The following EDC4 variants were observed in gnomAD, a reference collection of about 807,000 sequenced individuals.
EDC4 encodes the protein enhancer of mRNA decapping 4.
In EDC4, 64 loss-of-function variants were observed where a neutral mutation model predicts 155.8. The observed-to-expected ratio is 0.41, with a 90% confidence interval of 0.34 to 0.51. The LOEUF (loss-of-function observed/expected upper bound fraction) is 0.51, where lower values mean the gene tolerates loss of function less well. Among genes scored for constraint, EDC4 ranks in the 20% least tolerant of loss-of-function variants. EDC4 has a pLI of 0.19. For synonymous variants in EDC4, 684 were observed against 716.8 expected (o/e 0.95, Z 0.73); for missense variants, 1,303 against 1,812.5 (o/e 0.72, Z 5.10).
Position 67,880,532 on chromosome 16 carries a change from AG to A in EDC4, c.2098-24del. ...TCTCTGCCTCACTTCCTGTCACTTA[AG>A]CCCCCATCTTTGGCCCACCTCAGGT... On this transcript the variant is annotated intron_variant, in intron 17 of 28. Transcript: ENST00000358933. This position sits in a 1 kb window ranked among gnomAD's most constrained non-coding sequence, Gnocchi z 5.2. The A allele has an allele frequency of 6.2e-7, 1 of 1,607,820 alleles. No individual in the cohort carries two copies. Among genetic ancestry groups the A allele is most frequent in the Non-Finnish European group, 8.5e-7 (1 of 1,176,028 alleles).
rs775833063 is a variant in EDC4 at position 67,881,103 on chromosome 16, C to G, written c.2559C>G (p.His853Gln). The change falls in exon 19 of 29, where the codon CAC becomes CAG. Residue 853 changes from histidine (H) to glutamine (Q), a missense_variant. His to Gln is a conservative substitution (Grantham distance 24). Transcript: ENST00000358933. This position sits in a 1 kb window ranked among gnomAD's most constrained non-coding sequence, Gnocchi z 5.4. ...CCAGGAATGGCCTTCAGGAAAAGCA[C>G]AAGAGCCTGGCCTTCCACCGACCAC... The part of the protein sequence containing the change: ...ESPRNGLQEK[H>Q]KSLAFHRPPY... The G allele has an allele frequency of 7.4e-6, 12 of 1,613,994 alleles. No individual in the cohort carries two copies. In the East Asian group the frequency reaches 2.7e-4, roughly 36 times the overall value.
Position 67,878,442 on chromosome 16 carries a change from G to A in EDC4, c.1087G>A (p.Asp363Asn), listed in dbSNP as rs1567389910. ...FCDNHKKQDP[D>N]VPFWRFLITG... ...TGACAACCATAAGAAACAAGACCCT[G>A]AGTGAGTGAGTGGGCAGCCTAGTGG... The change falls in exon 9 of 29, where the codon GAT becomes AAT. Residue 363 changes from aspartate (D) to asparagine (N), a missense_variant and splice_region_variant. By Grantham distance (23) the Asp-to-Asn change is conservative (BLOSUM62 1). Transcript: ENST00000358933. The surrounding 1 kb of genome is among the most constrained non-coding windows in gnomAD (Gnocchi z 5.2). 7 of 1,614,054 alleles carry A rather than the reference G, an allele frequency of 4.3e-6. No homozygotes were observed. The South Asian group carries it at 7.7e-5, about 18-fold the overall frequency.
Position 67,883,979 on chromosome 16 carries a change from A to C in EDC4, c.4037A>C (p.His1346Pro). ...AGCTACCTGGAAGAGGCCGTGATGC[A>C]CCTGGACCACAGTGACCCCATCACT... ...KLSYLEEAVM[H>P]LDHSDPITRD... The change falls in exon 29 of 29, where the codon CAC becomes CCC. Residue 1346 changes from histidine to proline, a missense_variant. His to Pro is a moderately conservative substitution (Grantham distance 77, BLOSUM62 -2). This residue lies in a region of EDC4 where 527 missense variants were observed against 757.0 expected (regional missense o/e 0.70). Coordinates refer to ENST00000358933, the MANE Select transcript of EDC4 (RefSeq NM_014329.5). The surrounding 1 kb of genome is among the most constrained non-coding windows in gnomAD (Gnocchi z 5.3). 2 of 1,608,290 alleles carry C rather than the reference A, an allele frequency of 1.2e-6. No homozygotes were observed. Among genetic ancestry groups the C allele is most frequent in the Non-Finnish European group, 1.7e-6 (2 of 1,175,982 alleles).
Position 67,879,380 on chromosome 16 carries a change from A to T in EDC4, c.1542-32A>T. ...CCACTCTACTGACCCTTGCCCTTGG[A>T]GCACTTTATTCTCCCCCTTCTTTTC... On this transcript the variant is annotated intron_variant, in intron 13 of 28. Transcript: ENST00000358933. This position sits in a 1 kb window ranked among gnomAD's most constrained non-coding sequence, Gnocchi z 6.0. 6.2e-7 allele frequency: 1 copy of T among 1,614,106 alleles called. No individual in the cohort carries two copies. Among genetic ancestry groups the T allele is most frequent in the Non-Finnish European group, 8.5e-7 (1 of 1,180,018 alleles).
Position 67,877,916 on chromosome 16 carries a change from A to G in EDC4, c.894+71A>G. The G allele has an allele frequency of 6.3e-7, 1 of 1,586,552 alleles. No individual in the cohort carries two copies. Among genetic ancestry groups the G allele is most frequent in the South Asian group, 1.1e-5 (1 of 88,682 alleles). ...TATCCATCTTCTGTTCCCTATATCCACAGCTGCCCGGGCAGCTTTACTAGC... is the reference window on the plus strand; with the variant it reads ...TATCCATCTTCTGTTCCCTATATCCGCAGCTGCCCGGGCAGCTTTACTAGC... On this transcript the variant is annotated intron_variant, in intron 7 of 28. Coordinates refer to ENST00000358933, the MANE Select transcript of EDC4 (RefSeq NM_014329.5). This position sits in a 1 kb window ranked among gnomAD's most constrained non-coding sequence, Gnocchi z 4.9.
Position 67,879,591 on chromosome 16 carries a change from T to G in EDC4, c.1638T>G (p.Phe546Leu). The G allele has an allele frequency of 1.2e-6, 2 of 1,613,990 alleles. No individual in the cohort carries two copies. The highest frequency in any genetic ancestry group is 1.7e-6 in the Non-Finnish European group (2 of 1,179,902). Residue 546 changes from phenylalanine (F) to leucine (L), a missense_variant, in exon 15 of 29, where the codon TTT (phenylalanine) becomes TTG (leucine). Physicochemically the swap from Phe to Leu is conservative, Grantham distance 22. Around this residue, in one of 5 missense-constraint regions of EDC4, gnomAD observed 391 missense variants for 445.4 expected, o/e 0.88. Transcript: ENST00000358933. The surrounding 1 kb of genome is among the most constrained non-coding windows in gnomAD (Gnocchi z 6.0). ...PTHTAHEDFT[F>L]GESRPELGSE... ...AAGTGGCAACTTGCCCTGCAGCATT[T>G]GGAGAGTCTCGGCCCGAACTGGGCT...
rs900950611 is a variant in EDC4 at position 67,873,120 on chromosome 16, G to C, written c.-142G>C. On this transcript the variant is annotated 5_prime_UTR_variant, in exon 1 of 29. Transcript: ENST00000358933. ...TTGGCGGGGCTCAGCGACGCTGCGC[G>C]GGTGGCGGTTTGCGAACTGCGGGTG... 1.8e-6 allele frequency: 1 copy of C among 559,998 alleles called. No individual in the cohort carries two copies. The highest frequency in any genetic ancestry group is 2.8e-6 in the Non-Finnish European group (1 of 356,558). 34.7% of individuals were successfully genotyped at this position (559,998 alleles called of 1,614,324 possible). A position where few individuals can be genotyped will look rare whatever the true frequency, so the allele number is the denominator to read the frequency against.
In EDC4 at chr16:67,877,255, G is replaced by A. The variant is rs775793639; in HGVS notation, c.490G>A (p.Val164Ile). ...CTCTGCCATGGTGCGGGTGATCAGC[G>A]TCAGCACTTCGGAGCGGACCTTGCT... Reference protein sequence around the residue: ...NGSAMVRVISVSTSERTLLKG... With the variant: ...NGSAMVRVISISTSERTLLKG... The change falls in exon 5 of 29, where the codon GTC (valine) becomes ATC (isoleucine). Residue 164 changes from valine to isoleucine, a missense_variant. By Grantham distance (29) the Val-to-Ile change is conservative. Transcript: ENST00000358933. This position sits in a 1 kb window ranked among gnomAD's most constrained non-coding sequence, Gnocchi z 4.9. 2.0e-5 allele frequency: 32 copies of A among 1,614,108 alleles called. No individual in the cohort carries two copies. Among genetic ancestry groups the A allele is most frequent in the East Asian group, 4.5e-5 (2 of 44,884 alleles).
In EDC4 at chr16:67,877,317, C is replaced by G; in HGVS notation, c.552C>G (p.Phe184Leu). The G allele has an allele frequency of 1.2e-6, 2 of 1,614,166 alleles. No individual in the cohort carries two copies. Among genetic ancestry groups the G allele is most frequent in the Non-Finnish European group, 1.7e-6 (2 of 1,180,042 alleles). The change falls in exon 5 of 29, where the codon TTC (phenylalanine) becomes TTG (leucine). Residue 184 changes from phenylalanine (F) to leucine (L), a missense_variant. Around this residue, in one of 5 missense-constraint regions of EDC4, gnomAD observed 235 missense variants for 367.7 expected, o/e 0.64. Coordinates refer to ENST00000358933, the MANE Select transcript of EDC4 (RefSeq NM_014329.5). This position sits in a 1 kb window ranked among gnomAD's most constrained non-coding sequence, Gnocchi z 4.9. Reference sequence around the variant, plus strand: ...CAGGCAGTGTGGCTGATCTGGCTTTCGCGCACCTCAACTCTCCACAGCTGG... The same window carrying G: ...CAGGCAGTGTGGCTGATCTGGCTTTGGCGCACCTCAACTCTCCACAGCTGG... The part of the protein sequence containing the change: ...GFTGSVADLA[F>L]AHLNSPQLAC...
rs550534829 is a variant in EDC4, at chr16:67,876,409, A to T, written c.240-79A>T. 43 of 1,558,650 alleles carry T rather than the reference A, an allele frequency of 2.8e-5. No homozygotes were observed. The African/African-American group carries it at 4.1e-4, about 15-fold the overall frequency. ...ACTAGATACCTTCCCCAGTCTGGCT[A>T]TGTCCTCGCTTCCTCCCAACCCTGC... On this transcript the variant is annotated intron_variant, in intron 2 of 28. Coordinates refer to ENST00000358933, the MANE Select transcript of EDC4 (RefSeq NM_014329.5). This position sits in a 1 kb window ranked among gnomAD's most constrained non-coding sequence, Gnocchi z 5.8.
rs759693343 is a variant in EDC4 at position 67,881,884 on chromosome 16, G to A, written c.3004+39G>A. ...TGGTAGCACAACATGGCATAGGGAC[G>A]GGGGCAGCATTCTTGGCCTGGGAAG... On this transcript the variant is annotated intron_variant, in intron 22 of 28. Coordinates refer to ENST00000358933, the MANE Select transcript of EDC4 (RefSeq NM_014329.5). The surrounding 1 kb of genome is among the most constrained non-coding windows in gnomAD (Gnocchi z 5.4). The A allele has an allele frequency of 3.7e-6, 6 of 1,605,712 alleles. No homozygotes were observed. The highest frequency in any genetic ancestry group is 2.2e-5 in the East Asian group (1 of 44,650).
Position 67,877,755 on chromosome 16 carries a change from C to T in EDC4, c.804C>T (p.Asp268=). The change falls in exon 7 of 29, where the codon GAC becomes GAT. Residue 268 remains aspartate, a synonymous_variant. Transcript: ENST00000358933. The surrounding 1 kb of genome is among the most constrained non-coding windows in gnomAD (Gnocchi z 4.9). ...GTGCCTTCCAGGCTGAGGTGTGGGA[C>T]CTGGACATGCTCCGCTCCAGCCACA... ...LLHEDRAEVW[D]LDMLRSSHST... is the part of the protein sequence containing the mutation. 2 of 1,614,170 alleles carry T rather than the reference C, an allele frequency of 1.2e-6. No individual in the cohort carries two copies. Among genetic ancestry groups the T allele is most frequent in the Non-Finnish European group, 1.7e-6 (2 of 1,180,046 alleles).
Position 67,883,458 on chromosome 16 carries a change from G to A in EDC4, c.3850-110G>A, listed in dbSNP as rs1388122227. The A allele has an allele frequency of 2.7e-6, 4 of 1,505,214 alleles. No homozygotes were observed. Among genetic ancestry groups the A allele is most frequent in the Non-Finnish European group, 3.6e-6 (4 of 1,109,778 alleles). The allele number at this position is 1,505,214 out of a possible 1,614,324, so 93.2% of individuals were successfully genotyped here. ...CAGGCTCTCTCTGAGTCCCTCTGGA[G>A]CTCTCACTAGCCCACCCTGTGGTCA... is the stretch of plus-strand genomic sequence containing the variant. On this transcript the variant is annotated intron_variant, in intron 27 of 28. Transcript: ENST00000358933. The surrounding 1 kb of genome is among the most constrained non-coding windows in gnomAD (Gnocchi z 5.3).
At position 67,878,607 on chromosome 16, in the gene EDC4, C is replaced by T. The variant is rs781346460; in HGVS notation, c.1160C>T (p.Ser387Phe). Residue 387 changes from serine (S) to phenylalanine (F), a missense_variant, in exon 10 of 29, where the codon TCC becomes TTC. Transcript: ENST00000358933. This position sits in a 1 kb window ranked among gnomAD's most constrained non-coding sequence, Gnocchi z 5.2. ...GAGTTAAAGATGTGGTGTACAGTAT[C>T]CTGGACCTGCCTGCAGACTATTCGG... is the stretch of plus-strand genomic sequence containing the variant. The part of the protein sequence containing the change: ...NRELKMWCTV[S>F]WTCLQTIRFS... The T allele has an allele frequency of 4.3e-6, 7 of 1,614,064 alleles. No homozygotes were observed. Among genetic ancestry groups the T allele is most frequent in the Non-Finnish European group, 5.1e-6 (6 of 1,180,042 alleles).
At chr16:67,875,022 A>G (rs909198692) in intron 1 of EDC4, among the ~76,000 whole-genome samples, 17 of 152,200 alleles carry the variant, frequency 1.1e-4, no homozygotes, top group African/African-American at 3.9e-4. Context: ...AGAGGTTGCC[A>G]TGAGCCGAGA....
rs1238930526 is a variant in EDC4 at position 67,880,498 on chromosome 16, T to G, written c.2098-59T>G. On this transcript the variant is annotated intron_variant, in intron 17 of 28. Transcript: ENST00000358933. This position sits in a 1 kb window ranked among gnomAD's most constrained non-coding sequence, Gnocchi z 5.2. ...TGCTAATACTAATGCCTCGTCTCTG[T>G]GCCCCCCATCTCTGCCTCACTTCCT... is the stretch of plus-strand genomic sequence containing the variant. 6.3e-7 allele frequency: 1 copy of G among 1,580,660 alleles called. No homozygotes were observed. Among genetic ancestry groups the G allele is most frequent in the African/African-American group, 1.3e-5 (1 of 74,178 alleles).
In EDC4 at chr16:67,882,526, C is replaced by T; in HGVS notation, c.3374C>T (p.Ala1125Val). 1 of 1,614,222 alleles carries T rather than the reference C, an allele frequency of 6.2e-7. No homozygotes were observed. Among genetic ancestry groups the T allele is most frequent in the East Asian group, 2.2e-5 (1 of 44,876 alleles). The change falls in exon 25 of 29, where the codon GCC (alanine) becomes GTC (valine). Residue 1125 changes from alanine (A) to valine (V), a missense_variant. Coordinates refer to ENST00000358933, the MANE Select transcript of EDC4 (RefSeq NM_014329.5). The surrounding 1 kb of genome is among the most constrained non-coding windows in gnomAD (Gnocchi z 7.2). ...GCCTTCCAGAGTGTGGTGCTGCCGG[C>T]CTTTGAGAAGAGCTGCCAGGCCATG... ...REAFQSVVLP[A>V]FEKSCQAMFQ...
Position 67,878,818 on chromosome 16 carries a change from T to C in EDC4, c.1266T>C (p.Ile422=). 6.2e-7 allele frequency: 1 copy of C among 1,614,004 alleles called. No homozygotes were observed. Among genetic ancestry groups the C allele is most frequent in the Non-Finnish European group, 8.5e-7 (1 of 1,180,032 alleles). ...TGGACCTCTCAGCAGAATACCTGAT[T>C]CTCAGCGATGTGCAACGGAAGGTAG... ...VCLDLSAEYL[I]LSDVQRKVLY... Residue 422 remains isoleucine, a synonymous_variant, in exon 11 of 29, where the codon ATT becomes ATC. Coordinates refer to ENST00000358933, the MANE Select transcript of EDC4 (RefSeq NM_014329.5). This position sits in a 1 kb window ranked among gnomAD's most constrained non-coding sequence, Gnocchi z 5.2.
rs142711504 is a variant in EDC4, at chr16:67,875,836, C to T, written c.83-109C>T. ...CTCCTCCTCATGGACATGCTTTGCT[C>T]AGTTGAGTGTTCCTAGAGCACCTCA... On this transcript the variant is annotated intron_variant, in intron 1 of 28. Coordinates refer to ENST00000358933, the MANE Select transcript of EDC4 (RefSeq NM_014329.5). 7.4e-4 allele frequency: 1,124 copies of T among 1,509,570 alleles called. 13 individuals are homozygous for T. The East Asian group carries it at 0.014, about 19-fold the overall frequency. 93.5% of individuals were successfully genotyped at this position (1,509,570 alleles called of 1,614,324 possible). A position where few individuals can be genotyped will look rare whatever the true frequency, so the allele number is the denominator to read the frequency against.
Sources: gnomAD v4.1 joint callset for allele counts (sites outside exome capture counted in the v4.1 genomes callset) on GRCh38, gnomAD v4.1.1 for gene constraint, gnomAD v4.1.1 regional missense constraint, Gnocchi (gnomAD v3.1) non-coding constraint, MANE v1.5 for transcripts, NCBI Gene and HGNC (gene_info 2026-07-23, HGNC 2026-07-21) for gene names.